The following FBLN7 variants were observed in gnomAD, a reference collection of about 807,000 sequenced individuals.
The protein encoded by FBLN7 is fibulin 7.
FBLN7 carries 31 observed loss-of-function variants against 44.0 expected under a neutral mutation model. The ratio of observed to expected loss-of-function variants is 0.70; its 90% CI spans 0.53 to 0.95. FBLN7 has a LOEUF of 0.95. FBLN7 is among the 40% of genes least tolerant of loss of function. The pLI, the probability that FBLN7 is intolerant of heterozygous loss-of-function variation, is 0.00. For synonymous variants in FBLN7, 262 were observed against 253.4 expected (o/e 1.03, Z -0.32); for missense variants, 573 against 618.5 (o/e 0.93, Z 0.78).
intron 1 of FBLN7, among the ~76,000 whole-genome samples, chr2:112,140,596 C>A (rs941700492): frequency 6.6e-6 from 1 of 152,176 alleles, no homozygotes; most frequent in African/African-American, 2.4e-5. Context: ...TGAGCACCGC[C>A]GGGAGGAAGA....
chr2:112,167,869 C>CGTTATGTTATGTTATGTGATGTTAT (rs1682243640), intron 3 of FBLN7, among the ~76,000 whole-genome samples: 1 of 132,826 alleles, frequency 7.5e-6, no homozygotes, highest in East Asian at 2.2e-4. Context: ...AGGAAAGACA[C>CGTTATGTTATGTTATGTGATGTTAT]GTTATGTTAT....
chr2:112,211,075 G>C, the FBLN7 span, among the ~76,000 whole-genome samples: 1 of 152,174 alleles, frequency 6.6e-6, no homozygotes, highest in East Asian at 1.9e-4. Context: ...ACTAGTGGCT[G>C]TCCACAAGTC....
At chr2:112,159,970 C>G (rs1411843847) in intron 2 of FBLN7, 135 bp downstream of exon 2, 3 of 600,794 alleles carry the variant, frequency 5.0e-6, no homozygotes, top group Non-Finnish European at 7.3e-6. Flanking sequence ...TGTGGCCCCC[C>G]CTTTTTTATT....
chr2:112,242,656 T>G, the FBLN7 span, among the ~76,000 whole-genome samples: 1 of 152,352 alleles, frequency 6.6e-6, no homozygotes, highest in Admixed American at 6.5e-5. Context: ...GTGGTTATTA[T>G]GTAACAATAC....
the FBLN7 span, among the ~76,000 whole-genome samples, chr2:112,233,823 T>C: frequency 4.5e-4 from 69 of 152,122 alleles, no homozygotes; most frequent in East Asian, 4.8e-3. Context: ...GAGCCGAGAA[T>C]GCGCCACTGC....
intron 1 of FBLN7, among the ~76,000 whole-genome samples, chr2:112,147,893 G>A (rs780419025): frequency 6.6e-6 from 1 of 152,138 alleles, no homozygotes; most frequent in Admixed American, 6.5e-5. Context: ...CGTAGGTGGG[G>A]GGTCTGCTGT....
the FBLN7 span, among the ~76,000 whole-genome samples, chr2:112,204,371 A>G: frequency 6.6e-6 from 1 of 152,022 alleles, no homozygotes. Context: ...GAAGGAGAAG[A>G]TAGTAAGAAA....
At chr2:112,203,781 CT>C in the FBLN7 span, among the ~76,000 whole-genome samples, 2 of 152,264 alleles carry the variant, frequency 1.3e-5, no homozygotes, top group Middle Eastern at 6.8e-3. Context: ...GCAAAAGGCA[CT>C]TCTTACATGG....
At chr2:112,155,002 G>GTCTA (rs1681343737) in intron 1 of FBLN7, among the ~76,000 whole-genome samples, 1 of 152,240 alleles carries the variant, frequency 6.6e-6, no homozygotes. Context: ...GAGCACCTGT[G>GTCTA]TCTAACCCAA....
chr2:112,138,534 G>GTC lies in FBLN7; in HGVS notation c.-122_-121insTC. 1 of 1,386,582 alleles carries GTC rather than the reference G, an allele frequency of 7.2e-7. No individual in the cohort carries two copies. Among genetic ancestry groups the GTC allele is most frequent in the Non-Finnish European group, 9.7e-7 (1 of 1,030,062 alleles). 85.9% of individuals were successfully genotyped at this position (1,386,582 alleles called of 1,614,324 possible). On this transcript the variant is annotated 5_prime_UTR_variant, in exon 1 of 8. Transcript: ENST00000331203. The stretch of plus-strand genomic sequence containing the variant: ...GCCTCCCGCCTCCCCCCCTGCCCCA[G>GTC]CCGCCCCCCGGCCGCGCGGCGCCCC...
At chr2:112,147,841 G>A (rs1239861721) in intron 1 of FBLN7, among the ~76,000 whole-genome samples, 1 of 152,120 alleles carries the variant, frequency 6.6e-6, no homozygotes, top group African/African-American at 2.4e-5. Flanking sequence ...TTTTCTACAC[G>A]GAAACTTTTA....
chr2:112,186,643 A>G (rs1683282942), intron 7 of FBLN7, among the ~76,000 whole-genome samples: 1 of 152,116 alleles, frequency 6.6e-6, no homozygotes, highest in South Asian at 2.1e-4. Context: ...CTGTCTAAAA[A>G]TAAATAAATA....
At chr2:112,151,652 T>C (rs1188625405) in intron 1 of FBLN7, 2 of 152,260 alleles carry the variant, frequency 1.3e-5, no homozygotes, top group Admixed American at 1.3e-4. Flanking sequence ...TCTATATTCA[T>C]ATTGTGTTAA....
chr2:112,171,689 A>G (rs561479896), intron 3 of FBLN7, among the ~76,000 whole-genome samples: 64 of 152,350 alleles, frequency 4.2e-4, no homozygotes, highest in Non-Finnish European at 7.1e-4. Flanking sequence ...CATATTCAGT[A>G]TCATCTGTGT....
chr2:112,183,743 C>T (rs574397196), intron 6 of FBLN7, among the ~76,000 whole-genome samples: 7 of 152,152 alleles, frequency 4.6e-5, no homozygotes, highest in South Asian at 2.1e-4. Flanking sequence ...CCTGGAGGGC[C>T]GGGTTGAGGT....
At chr2:112,240,855 T>C in the FBLN7 span, among the ~76,000 whole-genome samples, 1 of 152,160 alleles carries the variant, frequency 6.6e-6, no homozygotes, top group Non-Finnish European at 1.5e-5. Context: ...ACATCCCCTT[T>C]CTCCTTTTGT....
chr2:112,187,489 T>TC lies in FBLN7; in HGVS notation c.1308dup (p.Tyr437LeufsTer2). On this transcript the variant is annotated frameshift_variant, in exon 8 of 8. Coordinates refer to ENST00000331203, the MANE Select transcript of FBLN7 (RefSeq NM_153214.3). LOFTEE classifies it high-confidence loss of function. The surrounding 1 kb of genome is among the most constrained non-coding windows in gnomAD (Gnocchi z 5.1). ...CGTGTCCAAGGTCACCATCTTTGTATCCCCCTATGACTTCTGAGGGTACAC... is the reference window on the plus strand; with the variant it reads ...CGTGTCCAAGGTCACCATCTTTGTATCCCCCCTATGACTTCTGAGGGTACAC... The TC allele has an allele frequency of 6.2e-7, 1 of 1,614,056 alleles. No homozygotes were observed. Among genetic ancestry groups the TC allele is most frequent in the African/African-American group, 1.3e-5 (1 of 75,018 alleles).
chr2:112,216,727 C>T, the FBLN7 span, among the ~76,000 whole-genome samples: 1 of 147,622 alleles, frequency 6.8e-6, no homozygotes, highest in Non-Finnish European at 1.5e-5. Context: ...GTTGACTAAC[C>T]TCAGACATGG....
intron 1 of FBLN7, among the ~76,000 whole-genome samples, chr2:112,158,257 T>C (rs186213129): frequency 6.6e-6 from 1 of 151,958 alleles, no homozygotes; most frequent in Non-Finnish European, 1.5e-5. Flanking sequence ...GTTGTTGTTG[T>C]TGTTTTTGAG....
Sources: gnomAD v4.1 joint callset for allele counts (sites outside exome capture counted in the v4.1 genomes callset) on GRCh38, gnomAD v4.1.1 for gene constraint, Gnocchi (gnomAD v3.1) non-coding constraint, MANE v1.5 for transcripts, NCBI Gene and HGNC (gene_info 2026-07-23, HGNC 2026-07-21) for gene names.